Variants in FRMD4A observed in about 807,000 individuals in gnomAD.
The protein encoded by FRMD4A is FERM domain containing 4A, also known as FERM domain-containing protein 4A.
Under a neutral mutation model 129.1 loss-of-function variants are expected in FRMD4A, and 29 were observed. The ratio of observed to expected loss-of-function variants is 0.22; its 90% CI spans 0.17 to 0.31. FRMD4A has a LOEUF of 0.31. FRMD4A is among the 10% of genes least tolerant of loss of function. The pLI is 1.00. For synonymous variants in FRMD4A, 634 were observed against 571.6 expected (o/e 1.11, Z -1.56); for missense variants, 1,272 against 1,375.8 (o/e 0.92, Z 1.19).
intron 2 of FRMD4A, among the ~76,000 whole-genome samples, chr10:14,052,823 C>G (rs527875851): frequency 2.4e-4 from 36 of 152,126 alleles, no homozygotes; most frequent in Non-Finnish European, 5.0e-4. Context: ...CTCGGCTTCC[C>G]AAAGTGCTGG....
intron 2 of FRMD4A, among the ~76,000 whole-genome samples, chr10:14,000,205 C>G (rs978387895): frequency 1.3e-5 from 2 of 152,106 alleles, no homozygotes; most frequent in African/African-American, 4.8e-5. Context: ...ATAATATTAT[C>G]CTCTGAGGCT....
intron 2 of FRMD4A, among the ~76,000 whole-genome samples, chr10:13,884,116 A>ACACT (rs2094577941): frequency 8.9e-6 from 1 of 111,862 alleles, no homozygotes; most frequent in Non-Finnish European, 1.8e-5. Context: ...ACACACACAC[A>ACACT]CACACTCACA....
chr10:13,778,734 C>G (rs2092664191), intron 6 of FRMD4A, among the ~76,000 whole-genome samples: 1 of 152,030 alleles, frequency 6.6e-6, no homozygotes, highest in South Asian at 2.1e-4. Context: ...ATCCATCCAT[C>G]GAACACCTCA....
At chr10:14,087,910 T>TGA (rs1836388933) in intron 2 of FRMD4A, among the ~76,000 whole-genome samples, 1 of 152,108 alleles carries the variant, frequency 6.6e-6, no homozygotes, top group African/African-American at 2.4e-5. Context: ...TTTTGAAGGG[T>TGA]CATGTTGCAG....
At chr10:14,082,043 C>T (rs1160296108) in intron 2 of FRMD4A, among the ~76,000 whole-genome samples, 1 of 152,140 alleles carries the variant, frequency 6.6e-6, no homozygotes, top group Non-Finnish European at 1.5e-5. Context: ...GGTCAGAGAT[C>T]GAGACCATTC....
chr10:13,902,671 C>G (rs913739160), intron 2 of FRMD4A, among the ~76,000 whole-genome samples: 2 of 151,920 alleles, frequency 1.3e-5, no homozygotes, highest in African/African-American at 4.8e-5. Flanking sequence ...GAAATCCCAT[C>G]TATACTAAAA....
chr10:13,660,341 T>C lies in FRMD4A; in HGVS notation c.1873A>G (p.Lys625Glu), dbSNP rs2082540557. ...SLDEPYEKVK[K>E]RSSHSHSSSH... ...CTGGAATGGCTGTGAGAGGAGCGCT[T>C]CTTGACCTTCTCATAGGGTTCATCT... Residue 625 changes from lysine (K) to glutamate (E), a missense_variant, in exon 20 of 25, where the codon AAG becomes GAG. By Grantham distance (56) the Lys-to-Glu change is moderately conservative (BLOSUM62 1). Around this residue, in one of 2 missense-constraint regions of FRMD4A, gnomAD observed 972 missense variants for 892.3 expected, o/e 1.09. Transcript: ENST00000357447. The C allele has an allele frequency of 6.2e-7, 1 of 1,613,394 alleles. No homozygotes were observed. Among genetic ancestry groups the C allele is most frequent in the African/African-American group, 1.3e-5 (1 of 74,912 alleles).
At chr10:14,325,026 C>T (rs1475575086) in intron 2 of FRMD4A, among the ~76,000 whole-genome samples, 1 of 152,190 alleles carries the variant, frequency 6.6e-6, no homozygotes, top group Non-Finnish European at 1.5e-5. Flanking sequence ...TCTCTGGACC[C>T]CAACTTCACC....
rs553615234 is a variant in FRMD4A at position 13,942,911 on chromosome 10, G to A, written c.46-83999C>T. 4.4e-4 allele frequency among the ~76,000 whole-genome samples: 66 copies of A among 151,696 alleles called. 2 individuals carry two copies. In the South Asian group the frequency reaches 0.012, roughly 27 times the overall value. On this transcript the variant is annotated intron_variant, in intron 2 of 24. Coordinates refer to ENST00000357447, the MANE Select transcript of FRMD4A (RefSeq NM_018027.5). ...TTGTGCCACTGCACTCTAGCCTGGC[G>A]AAAGAGTGAGACTCCATCTCAACAA...
intron 2 of FRMD4A, among the ~76,000 whole-genome samples, chr10:14,314,948 A>AT (rs1554808284): frequency 2.0e-5 from 1 of 50,314 alleles, no homozygotes; most frequent in African/African-American, 4.4e-5. Context: ...TCTTATATAT[A>AT]GTTTTTTTTT....
intron 2 of FRMD4A, among the ~76,000 whole-genome samples, chr10:14,164,756 T>C (rs939559385): frequency 6.6e-6 from 1 of 152,242 alleles, no homozygotes; most frequent in African/African-American, 2.4e-5. Context: ...TAAAAATATC[T>C]GCTTTCCAAA....
At chr10:13,752,946 C>T (rs971922127) in intron 8 of FRMD4A, among the ~76,000 whole-genome samples, 1 of 152,192 alleles carries the variant, frequency 6.6e-6, no homozygotes, top group Non-Finnish European at 1.5e-5. Context: ...ATTCCAGGTG[C>T]TGCCCTAGGC....
intron 2 of FRMD4A, among the ~76,000 whole-genome samples, chr10:14,238,983 T>C (rs920387941): frequency 1.3e-5 from 2 of 152,086 alleles, no homozygotes; most frequent in Non-Finnish European, 2.9e-5. Flanking sequence ...AAATAGGAGG[T>C]GCTTTTTTAC....
At chr10:13,734,977 G>A (rs1269472306) in intron 12 of FRMD4A, among the ~76,000 whole-genome samples, 2 of 152,104 alleles carry the variant, frequency 1.3e-5, no homozygotes, top group Admixed American at 6.5e-5. Flanking sequence ...AGGTTCAAGT[G>A]ATTCTCCTGC....
intron 2 of FRMD4A, among the ~76,000 whole-genome samples, chr10:14,127,236 G>C (rs778689342): frequency 1.3e-5 from 2 of 152,240 alleles, no homozygotes; most frequent in Non-Finnish European, 2.9e-5. Context: ...CCCGTGAGGA[G>C]GGTGGCCTGG....
chr10:14,248,167 T>C (rs1391991498), intron 2 of FRMD4A, among the ~76,000 whole-genome samples: 1 of 143,272 alleles, frequency 7.0e-6, no homozygotes, highest in Non-Finnish European at 1.5e-5. Context: ...AAACATCACA[T>C]TTTTATTCTC....
At chr10:14,069,174 G>A (rs1027056667) in intron 2 of FRMD4A, among the ~76,000 whole-genome samples, 3 of 152,068 alleles carry the variant, frequency 2.0e-5, no homozygotes, top group Non-Finnish European at 4.4e-5. Flanking sequence ...GTCAGTGTTG[G>A]ACTTGTGACT....
chr10:14,184,998 G>T (rs1316703448), intron 2 of FRMD4A, among the ~76,000 whole-genome samples: 1 of 152,048 alleles, frequency 6.6e-6, no homozygotes, highest in African/African-American at 2.4e-5. Flanking sequence ...CGCGGAATGA[G>T]AGAAAACAAA....
intron 4 of FRMD4A, among the ~76,000 whole-genome samples, chr10:13,806,175 A>G (rs2093354275): frequency 6.6e-6 from 1 of 151,708 alleles, no homozygotes. Flanking sequence ...TGTGGTAGAG[A>G]TGGGGGTCTT....
Sources: allele counts gnomAD v4.1 joint callset (sites outside exome capture counted in the v4.1 genomes callset), GRCh38; gene constraint gnomAD v4.1.1; regional missense constraint gnomAD v4.1.1; transcripts MANE v1.5; gene names NCBI Gene and HGNC (gene_info 2026-07-23, HGNC 2026-07-21).